NREP: variants seen among roughly 807,000 people sequenced by gnomAD.
NREP encodes the protein neuronal regeneration-related protein.
Under a neutral mutation model 8.6 loss-of-function variants are expected in NREP, and 5 were observed. The observed-to-expected ratio is 0.58, with a 90% CI of 0.30 to 1.22. The LOEUF (loss-of-function observed/expected upper bound fraction) is 1.22, where lower values mean the gene tolerates loss of function less well. Among genes scored for constraint, NREP ranks in the 50% most tolerant of loss-of-function variants. The probability of loss-of-function intolerance (pLI) is 0.07; values close to 1 mark genes in which losing one functional copy is unlikely to be tolerated. For synonymous variants in NREP, 27 were observed against 28.0 expected (o/e 0.96, Z 0.11); for missense variants, 86 against 82.5 (o/e 1.04, Z -0.17).
At chr5:111,753,755 TAA>T (rs982480450) in intron 2 of NREP, among the ~76,000 whole-genome samples, 9 of 152,156 alleles carry the variant, frequency 5.9e-5, no homozygotes, top group Non-Finnish European at 1.0e-4. Context: ...GTATGTGGGC[TAA>T]GTCTTCACTC....
chr5:111,779,001 T>C (rs768861093), intron 2 of NREP, among the ~76,000 whole-genome samples: 2 of 152,080 alleles, frequency 1.3e-5, no homozygotes, highest in East Asian at 1.9e-4. Context: ...GTTGCAATCA[T>C]ACTTTATTGA....
intron 2 of NREP, among the ~76,000 whole-genome samples, chr5:111,839,334 T>C (rs1752969473): frequency 1.3e-5 from 2 of 152,126 alleles, no homozygotes; most frequent in South Asian, 2.1e-4. Flanking sequence ...ACCAGAGTCA[T>C]AGGTGGTGAT....
At chr5:111,797,996 CT>C (rs1313799462) in intron 2 of NREP, among the ~76,000 whole-genome samples, 1 of 152,100 alleles carries the variant, frequency 6.6e-6, no homozygotes, top group Non-Finnish European at 1.5e-5. Context: ...TTTTGTAGCT[CT>C]CAGACATAGT....
intron 2 of NREP, among the ~76,000 whole-genome samples, chr5:111,857,591 G>C (rs1317817875): frequency 6.6e-6 from 1 of 152,074 alleles, no homozygotes; most frequent in Non-Finnish European, 1.5e-5. Context: ...TGTAGAGTAG[G>C]TGATCAATAA....
At chr5:111,749,947 T>C (rs1750249533) in intron 2 of NREP, among the ~76,000 whole-genome samples, 1 of 152,012 alleles carries the variant, frequency 6.6e-6, no homozygotes, top group Non-Finnish European at 1.5e-5. Context: ...AACCAGAAAG[T>C]GTAAGTGAGT....
chr5:111,791,963 T>C (rs1400863338), intron 2 of NREP, among the ~76,000 whole-genome samples: 10 of 152,208 alleles, frequency 6.6e-5, no homozygotes, highest in African/African-American at 2.2e-4. Context: ...AGGATTGTTA[T>C]AGGCATTAAA....
At chr5:111,782,936 T>C (rs550857264) in intron 2 of NREP, among the ~76,000 whole-genome samples, 2 of 152,226 alleles carry the variant, frequency 1.3e-5, no homozygotes, top group Admixed American at 6.5e-5. Flanking sequence ...TTTCGCTATG[T>C]TGGCCAGGCT....
At chr5:111,919,869 G>GAAAGAA (rs1755176432) in intron 2 of NREP, among the ~76,000 whole-genome samples, 7 of 125,034 alleles carry the variant, frequency 5.6e-5, no homozygotes, top group African/African-American at 2.3e-4. Flanking sequence ...CTTGAAGAGA[G>GAAAGAA]AGAAAGAAAG....
rs879686999 is a variant in NREP at position 111,885,477 on chromosome 5, TTAAA to T, written c.135+89793_135+89796del. On this transcript the variant is annotated intron_variant, in intron 2 of 3. Transcript: ENST00000395634. ...CTTCACAGAATTGGAAAAAACTACT[TTAAA>T]GTTCATATGGAACCAAAAAAGAGCC... Among the ~76,000 whole-genome samples, 506 of 152,172 alleles carry T rather than the reference TTAAA, an allele frequency of 3.3e-3. 3 individuals are homozygous for T. The highest frequency in any genetic ancestry group is 4.9e-3 in the Non-Finnish European group (336 of 67,998).
chr5:111,795,827 T>C (rs901413588), intron 2 of NREP, among the ~76,000 whole-genome samples: 1 of 152,124 alleles, frequency 6.6e-6, no homozygotes, highest in Non-Finnish European at 1.5e-5. Flanking sequence ...AAAGCAGAAA[T>C]ATGCATTTAT....
chr5:111,761,646 A>G (rs1750962404), upstream of NREP, among the ~76,000 whole-genome samples: 2 of 152,200 alleles, frequency 1.3e-5, no homozygotes, highest in African/African-American at 2.4e-5. Flanking sequence ...TGTTGATCGC[A>G]TATGTAACAT....
chr5:111,923,826 G>T lies in NREP; in HGVS notation c.135+51448C>A, dbSNP rs182593486. Among the ~76,000 whole-genome samples, 4 of 152,282 alleles carry T rather than the reference G, an allele frequency of 2.6e-5. No homozygotes were observed. The East Asian group carries it at 7.8e-4, about 30-fold the overall frequency. On this transcript the variant is annotated intron_variant, in intron 2 of 3. Coordinates refer to the NREP transcript ENST00000395634. ...CCCTATTGGAAGACTAAGGGTTGGTGCCCCAAGCAAAGCTTGTTTTAACTG... is the reference window on the plus strand; with the variant it reads ...CCCTATTGGAAGACTAAGGGTTGGTTCCCCAAGCAAAGCTTGTTTTAACTG...
intron 2 of NREP, among the ~76,000 whole-genome samples, chr5:111,958,572 A>G (rs1274727808): frequency 5.3e-5 from 8 of 151,984 alleles, no homozygotes; most frequent in Non-Finnish European, 8.8e-5. Flanking sequence ...AAATATTAAC[A>G]ACTCAGAAGC....
chr5:111,889,746 G>T (rs1023236861), intron 2 of NREP, among the ~76,000 whole-genome samples: 1 of 152,170 alleles, frequency 6.6e-6, no homozygotes, highest in Non-Finnish European at 1.5e-5. Context: ...CAACACAGCT[G>T]TTTATTTCAC....
chr5:111,963,074 C>A (rs995149810), intron 2 of NREP, among the ~76,000 whole-genome samples: 1 of 152,254 alleles, frequency 6.6e-6, no homozygotes, highest in East Asian at 1.9e-4. Context: ...CCCTGCGCAA[C>A]GAGGCAAGGG....
chr5:111,966,835 A>C (rs556815984), intron 2 of NREP, among the ~76,000 whole-genome samples: 1 of 152,312 alleles, frequency 6.6e-6, no homozygotes, highest in African/African-American at 2.4e-5. Context: ...TTTGTCCACT[A>C]TGTAAGGGAA....
At chr5:111,818,474 T>G (rs1001733969) in intron 2 of NREP, among the ~76,000 whole-genome samples, 3 of 150,134 alleles carry the variant, frequency 2.0e-5, no homozygotes, top group Non-Finnish European at 4.5e-5. Context: ...ATATAAAGCC[T>G]TTTTTTGTTG....
At chr5:111,761,015 T>C (rs1464146400), upstream of NREP, among the ~76,000 whole-genome samples, 1 of 152,172 alleles carries the variant, frequency 6.6e-6, no homozygotes, top group Non-Finnish European at 1.5e-5. Context: ...TGAGTCTGAG[T>C]TCCAGGTGAA....
chr5:111,755,885 C>T (rs147683578), intron 1 of NREP, 55 bp from the exon 2 acceptor site: 167 of 1,591,776 alleles, frequency 1.0e-4, no homozygotes, highest in Middle Eastern at 1.7e-4. Flanking sequence ...GGTCAGCAAA[C>T]GAAAAATGCC....
Sources: allele counts gnomAD v4.1 joint callset (sites outside exome capture counted in the v4.1 genomes callset), GRCh38; gene constraint gnomAD v4.1.1; transcripts MANE v1.5; gene names NCBI Gene and HGNC (gene_info 2026-07-23, HGNC 2026-07-21).